The following SYT1 variants were observed in gnomAD, a reference collection of about 807,000 sequenced individuals.
SYT1 encodes the protein synaptotagmin 1.
SYT1 carries 8 observed loss-of-function variants against 44.8 expected under a neutral mutation model. The ratio of observed to expected loss-of-function variants is 0.18; its 90% CI spans 0.10 to 0.32. The LOEUF (loss-of-function observed/expected upper bound fraction) is 0.32, where lower values mean the gene tolerates loss of function less well. Ranked by LOEUF, SYT1 falls within the 10% of genes least tolerant of loss-of-function variation. The probability of loss-of-function intolerance (pLI) is 1.00; values close to 1 mark genes in which losing one functional copy is unlikely to be tolerated. For synonymous variants in SYT1, 154 were observed against 188.8 expected (o/e 0.82, Z 1.51); for missense variants, 286 against 509.3 (o/e 0.56, Z 4.22).
At chr12:79,052,976 A>T (rs1412288900) in intron 3 of SYT1, among the ~76,000 whole-genome samples, 1 of 152,168 alleles carries the variant, frequency 6.6e-6, no homozygotes, top group Non-Finnish European at 1.5e-5. Flanking sequence ...AGAACTAGAA[A>T]TACCATTTGA....
intron 8 of SYT1, among the ~76,000 whole-genome samples, chr12:79,348,823 A>G (rs531126294): frequency 9.2e-5 from 14 of 151,628 alleles, no homozygotes; most frequent in African/African-American, 3.4e-4. Context: ...GACAAGTATC[A>G]TATAGAGATG....
chr12:79,103,858 T>C (rs1878567054), intron 3 of SYT1, among the ~76,000 whole-genome samples: 1 of 152,122 alleles, frequency 6.6e-6, no homozygotes, highest in African/African-American at 2.4e-5. Flanking sequence ...TGGGGCTCTC[T>C]TAAGAATATG....
chr12:78,967,683 G>A (rs1477382433), intron 1 of SYT1, among the ~76,000 whole-genome samples: 2 of 152,130 alleles, frequency 1.3e-5, no homozygotes, highest in Non-Finnish European at 2.9e-5. Context: ...ATAGCCATCA[G>A]TGGGAAATTT....
chr12:79,392,979 C>A (rs1240915536), intron 9 of SYT1: 1 of 150,308 alleles, frequency 6.7e-6, no homozygotes, highest in Non-Finnish European at 1.5e-5. Flanking sequence ...AGCAGGCCCC[C>A]ACATGTGATG....
In SYT1 at chr12:78,869,595, G is replaced by A. The variant is rs976389912; in HGVS notation, c.-217+4486G>A. Among the ~76,000 whole-genome samples, 6 of 151,808 alleles carry A rather than the reference G, an allele frequency of 4.0e-5. No homozygotes were observed. The South Asian group carries it at 8.3e-4, about 21-fold the overall frequency. The stretch of plus-strand genomic sequence containing the variant: ...TGCAAAGAATCCTAGTTTTAAAATG[G>A]CATCTACATTACATTATTTTAAAAA... On this transcript the variant is annotated intron_variant, in intron 1 of 10. Transcript: ENST00000261205.
intron 3 of SYT1, among the ~76,000 whole-genome samples, chr12:79,196,401 C>T (rs1354399876): frequency 1.3e-5 from 2 of 151,994 alleles, no homozygotes; most frequent in East Asian, 3.9e-4. Flanking sequence ...TTCTTGACCT[C>T]GTGATCCGCC....
In SYT1 at chr12:79,282,146, G is replaced by C. The variant is rs113549095; in HGVS notation, c.167-3641G>C. Reference sequence around the variant, plus strand: ...TTGAGTCTACACTCAGATAATTCAGGATAATTTCCCCATCTCAAGATCCTT... The same window carrying C: ...TTGAGTCTACACTCAGATAATTCAGCATAATTTCCCCATCTCAAGATCCTT... On this transcript the variant is annotated intron_variant, in intron 4 of 10. Transcript: ENST00000261205. Among the ~76,000 whole-genome samples, 15 of 152,200 alleles carry C rather than the reference G, an allele frequency of 9.9e-5. 1 individual carries two copies. The highest frequency in any genetic ancestry group is 3.4e-4 in the African/African-American group (14 of 41,522).
At chr12:79,360,653 T>C (rs573780946) in intron 9 of SYT1, among the ~76,000 whole-genome samples, 1 of 152,330 alleles carries the variant, frequency 6.6e-6, no homozygotes, top group South Asian at 2.1e-4. Flanking sequence ...ATTGAGCTAA[T>C]GGGACAGGAA....
chr12:79,109,153 T>G (rs1878878177), intron 3 of SYT1, among the ~76,000 whole-genome samples: 1 of 152,178 alleles, frequency 6.6e-6, no homozygotes, highest in Non-Finnish European at 1.5e-5. Context: ...TCCTCCCTGC[T>G]GCAAACAGCA....
At chr12:79,298,231 C>A (rs1879968699) in intron 7 of SYT1, among the ~76,000 whole-genome samples, 1 of 152,014 alleles carries the variant, frequency 6.6e-6, no homozygotes, top group Non-Finnish European at 1.5e-5. Context: ...AATTTTGTTT[C>A]TTTCTTTGAG....
At chr12:79,298,798 A>G (rs1196135015) in intron 7 of SYT1, among the ~76,000 whole-genome samples, 1 of 152,176 alleles carries the variant, frequency 6.6e-6, no homozygotes, top group Non-Finnish European at 1.5e-5. Context: ...TATTCAAAAC[A>G]TCAATTTCCT....
At chr12:79,366,261 A>G (rs576933644) in intron 9 of SYT1, among the ~76,000 whole-genome samples, 10 of 152,348 alleles carry the variant, frequency 6.6e-5, no homozygotes, top group African/African-American at 2.4e-4. Context: ...TTAGTGTTTT[A>G]TGTTTATAAG....
chr12:79,105,046 G>T (rs1013846201), intron 3 of SYT1, among the ~76,000 whole-genome samples: 3 of 152,180 alleles, frequency 2.0e-5, no homozygotes, highest in Non-Finnish European at 4.4e-5. Context: ...GCAGGATCAA[G>T]GAGATATTCA....
At chr12:78,972,260 T>C (rs1433327877) in intron 1 of SYT1, among the ~76,000 whole-genome samples, 3 of 152,072 alleles carry the variant, frequency 2.0e-5, no homozygotes, top group Non-Finnish European at 4.4e-5. Context: ...TAAATATTCA[T>C]GTCTCAGGTA....
In SYT1 at chr12:79,027,600, G is replaced by A. The variant is rs1023034483; in HGVS notation, c.-83-19697G>A. Among the ~76,000 whole-genome samples, 3 of 151,306 alleles carry A rather than the reference G, an allele frequency of 2.0e-5. No homozygotes were observed. In the Admixed American group the frequency reaches 2.0e-4, roughly 10 times the overall value. ...AAATGCATTGGGCAGGTTGAAACTC[G>A]AAAGCTTTTAGGCATGTGACAACCA... On this transcript the variant is annotated intron_variant, in intron 2 of 10. Coordinates refer to ENST00000261205, the MANE Select transcript of SYT1 (RefSeq NM_005639.3).
chr12:79,440,488 T>C (rs1870349999), intron 9 of SYT1, among the ~76,000 whole-genome samples: 2 of 152,140 alleles, frequency 1.3e-5, no homozygotes, highest in South Asian at 4.2e-4. Context: ...GCCCAATTTT[T>C]TGGTTGCAGG....
chr12:79,265,413 T>C (rs1047732261), intron 4 of SYT1, among the ~76,000 whole-genome samples: 50 of 152,260 alleles, frequency 3.3e-4, no homozygotes, highest in African/African-American at 1.2e-3. Context: ...TTTTGACAAA[T>C]GATTTTCACT....
At chr12:79,186,192 A>G (rs1872790426) in intron 3 of SYT1, among the ~76,000 whole-genome samples, 1 of 152,036 alleles carries the variant, frequency 6.6e-6, no homozygotes, top group Non-Finnish European at 1.5e-5. Flanking sequence ...GTAATATGAC[A>G]TAAAGTTCAA....
At chr12:79,017,901 G>T (rs1426597884) in intron 2 of SYT1, among the ~76,000 whole-genome samples, 1 of 152,050 alleles carries the variant, frequency 6.6e-6, no homozygotes, top group African/African-American at 2.4e-5. Flanking sequence ...AGGTGAAGAG[G>T]TCAGTAGGGA....
Sources: gnomAD v4.1 joint callset for allele counts (sites outside exome capture counted in the v4.1 genomes callset) on GRCh38, gnomAD v4.1.1 for gene constraint, MANE v1.5 for transcripts, NCBI Gene and HGNC (gene_info 2026-07-23, HGNC 2026-07-21) for gene names.